Variants in OTULINL observed in about 807,000 individuals in gnomAD.
The protein encoded by OTULINL is OTU deubiquitinase with linear linkage specificity like, also known as inactive ubiquitin thioesterase OTULINL.
Under a neutral mutation model 43.9 loss-of-function variants are expected in OTULINL, and 42 were observed. The ratio of observed to expected loss-of-function variants is 0.96; its 90% CI spans 0.75 to 1.24. OTULINL has a LOEUF of 1.24. Among genes scored for constraint, OTULINL ranks in the 50% most tolerant of loss-of-function variants. OTULINL has a pLI of 0.00. For missense variants in OTULINL, 411 were observed against 426.4 expected (o/e 0.96, Z 0.32); for synonymous variants, 172 against 153.6 (o/e 1.12, Z -0.88).
Position 14,608,818 on chromosome 5 carries a change from C to G in OTULINL, c.698C>G (p.Ala233Gly). ...ATGTGCAACACCCTTTTTTCAGATG[C>G]CATTCTGGAATATAAACTTTATGAA... is the stretch of plus-strand genomic sequence containing the variant. ...GSMCNTLFSD[A>G]ILEYKLYEAL... The change falls in exon 7 of 8, where the codon GCC (alanine) becomes GGC (glycine). Residue 233 changes from alanine to glycine, a missense_variant. By Grantham distance (60) the Ala-to-Gly change is moderately conservative. Transcript: ENST00000274217. The G allele has an allele frequency of 1.9e-6, 3 of 1,612,912 alleles. No individual in the cohort carries two copies. Among genetic ancestry groups the G allele is most frequent in the Non-Finnish European group, 2.5e-6 (3 of 1,179,208 alleles).
intron 1 of OTULINL, among the ~76,000 whole-genome samples, chr5:14,598,091 A>G (rs183588304): frequency 2.0e-5 from 3 of 152,250 alleles, no homozygotes; most frequent in Admixed American, 6.5e-5. Context: ...TCTCACCTCA[A>G]ATTCCACAGG....
intron 1 of OTULINL, among the ~76,000 whole-genome samples, chr5:14,595,325 C>T (rs1759267472): frequency 6.6e-6 from 1 of 152,136 alleles, no homozygotes; most frequent in Non-Finnish European, 1.5e-5. Flanking sequence ...GACTATGCAG[C>T]TGGCCCATGA....
intron 1 of OTULINL, among the ~76,000 whole-genome samples, chr5:14,592,602 A>G (rs1759223014): frequency 6.6e-6 from 1 of 152,246 alleles, no homozygotes; most frequent in South Asian, 2.1e-4. Context: ...ACTAGCCTGC[A>G]GTGTGGACAT....
chr5:14,602,743 T>C (rs976296707), intron 5 of OTULINL, among the ~76,000 whole-genome samples: 2 of 152,158 alleles, frequency 1.3e-5, no homozygotes, highest in African/African-American at 4.8e-5. Flanking sequence ...GCCAGAGGAA[T>C]TTTAAGAGGC....
chr5:14,600,918 G>A, intron 1 of OTULINL, 47 bp from the exon 2 acceptor site: 5 of 1,352,706 alleles, frequency 3.7e-6, no homozygotes, highest in Non-Finnish European at 4.8e-6. Flanking sequence ...GCAAACTTGT[G>A]TAATTGTGAT....
rs1056769630 is a variant in OTULINL, at chr5:14,614,105, T to C, written c.*3791T>C. ...AATTCCAGAATTAGCAATAATTTTC[T>C]CTTAAATAGCAAATTTCTAAAGCTG... On this transcript the variant is annotated 3_prime_UTR_variant, in exon 8 of 8. Coordinates refer to ENST00000274217, the MANE Select transcript of OTULINL (RefSeq NM_019018.3). Among the ~76,000 whole-genome samples, 1 of 152,226 alleles carries C rather than the reference T, an allele frequency of 6.6e-6. No homozygotes were observed. The highest frequency in any genetic ancestry group is 1.5e-5 in the Non-Finnish European group (1 of 68,040).
In OTULINL at chr5:14,608,834, A is replaced by T. The variant is rs552375238; in HGVS notation, c.714A>T (p.Lys238Asn). ...TTTCAGATGCCATTCTGGAATATAAACTTTATGAAGCTTTAAAGTTCATCA... is the reference window on the plus strand; with the variant it reads ...TTTCAGATGCCATTCTGGAATATAATCTTTATGAAGCTTTAAAGTTCATCA... Reference protein sequence around the residue: ...TLFSDAILEYKLYEALKFIML... With the variant: ...TLFSDAILEYNLYEALKFIML... Residue 238 changes from lysine to asparagine, a missense_variant, in exon 7 of 8, where the codon AAA (lysine) becomes AAT (asparagine). By Grantham distance (94) the Lys-to-Asn change is moderately conservative. Coordinates refer to ENST00000274217, the MANE Select transcript of OTULINL (RefSeq NM_019018.3). 1 of 1,614,070 alleles carries T rather than the reference A, an allele frequency of 6.2e-7. No homozygotes were observed. Among genetic ancestry groups the T allele is most frequent in the Admixed American group, 1.7e-5 (1 of 60,030 alleles).
In OTULINL at chr5:14,614,746, C is replaced by T. The variant is rs923706035; in HGVS notation, c.*4432C>T. 19 of 398,468 alleles carry T rather than the reference C, an allele frequency of 4.8e-5. No homozygotes were observed. The highest frequency in any genetic ancestry group is 2.6e-4 in the Admixed American group (6 of 22,704). 24.7% of individuals were successfully genotyped at this position (398,468 alleles called of 1,614,324 possible). The stretch of plus-strand genomic sequence containing the variant: ...ATGTGGGAACAGTGTGGCCCAAGAG[C>T]CAGCATGGAGGAGGGCTGTGTGAGC... On this transcript the variant is annotated 3_prime_UTR_variant, in exon 8 of 8. Coordinates refer to ENST00000274217, the MANE Select transcript of OTULINL (RefSeq NM_019018.3).
intron 1 of OTULINL, 49 bp downstream of exon 1, chr5:14,582,007 G>A (rs1211815331): frequency 1.7e-6 from 2 of 1,194,086 alleles, no homozygotes; most frequent in Non-Finnish European, 2.1e-6. Flanking sequence ...AGCAGGGACC[G>A]TCAAGGCGGG....
In OTULINL at chr5:14,614,839, T is replaced by G. The variant is rs964355339; in HGVS notation, c.*4525T>G. 3.0e-5 allele frequency: 12 copies of G among 398,088 alleles called. No homozygotes were observed. The East Asian group carries it at 4.3e-4, about 14-fold the overall frequency. 24.7% of individuals were successfully genotyped at this position (398,088 alleles called of 1,614,324 possible). A position where few individuals can be genotyped will look rare whatever the true frequency, so the allele number is the denominator to read the frequency against. ...TCGTTCTGTTTAAAAAAATCAAATT[T>G]CTGTATGTAATTGACGTATTGGTCC... On this transcript the variant is annotated 3_prime_UTR_variant, in exon 8 of 8. Transcript: ENST00000274217.
chr5:14,607,273 T>C (rs957803882), intron 5 of OTULINL, 57 bp from the exon 6 acceptor site: 1 of 1,581,740 alleles, frequency 6.3e-7, no homozygotes, highest in African/African-American at 1.4e-5. Flanking sequence ...ATACAGCAAA[T>C]TGTGTGTAAT....
At chr5:14,594,955 A>T (rs1759261483) in intron 1 of OTULINL, among the ~76,000 whole-genome samples, 1 of 151,900 alleles carries the variant, frequency 6.6e-6, no homozygotes, top group African/African-American at 2.4e-5. Context: ...TCTCTCTTCC[A>T]TCGTCTGCTA....
intron 1 of OTULINL, among the ~76,000 whole-genome samples, chr5:14,598,694 G>A (rs1373940403): frequency 6.6e-6 from 1 of 152,118 alleles, no homozygotes; most frequent in Non-Finnish European, 1.5e-5. Context: ...CTCCAGCCTG[G>A]GCAACGGCAC....
rs1309954476 is a variant in OTULINL at position 14,614,775 on chromosome 5, C to A, written c.*4461C>A. ...CATGGAGGAGGGCTGTGTGAGCAGA[C>A]TGCTATAGAATGCTAAAGTTATAAT... On this transcript the variant is annotated 3_prime_UTR_variant, in exon 8 of 8. Transcript: ENST00000274217. 3 of 398,488 alleles carry A rather than the reference C, an allele frequency of 7.5e-6. No homozygotes were observed. The highest frequency in any genetic ancestry group is 8.8e-5 in the Admixed American group (2 of 22,710). 24.7% of individuals were successfully genotyped at this position (398,488 alleles called of 1,614,324 possible). A position where few individuals can be genotyped will look rare whatever the true frequency, so the allele number is the denominator to read the frequency against.
chr5:14,603,922 T>A (rs1391303389), intron 5 of OTULINL, among the ~76,000 whole-genome samples: 1 of 152,200 alleles, frequency 6.6e-6, no homozygotes, highest in Non-Finnish European at 1.5e-5. Context: ...GTGTTCAATT[T>A]TCTTAATATC....
chr5:14,591,177 A>G (rs977069410), intron 1 of OTULINL, among the ~76,000 whole-genome samples: 3 of 152,222 alleles, frequency 2.0e-5, no homozygotes, highest in Admixed American at 2.0e-4. Context: ...CAAATCAGTA[A>G]TGAAATCTAG....
At chr5:14,604,037 A>G (rs1759432186) in intron 5 of OTULINL, among the ~76,000 whole-genome samples, 1 of 152,210 alleles carries the variant, frequency 6.6e-6, no homozygotes, top group African/African-American at 2.4e-5. Context: ...CAAAGATATA[A>G]AAATACAACA....
intron 1 of OTULINL, among the ~76,000 whole-genome samples, chr5:14,592,818 C>T (rs1410002600): frequency 1.3e-5 from 2 of 152,164 alleles, no homozygotes; most frequent in Non-Finnish European, 2.9e-5. Context: ...CAGAGCCTTC[C>T]CTTGCTCTTC....
chr5:14,585,722 G>A (rs537721341), intron 1 of OTULINL, among the ~76,000 whole-genome samples: 9 of 152,182 alleles, frequency 5.9e-5, no homozygotes, highest in Admixed American at 1.3e-4. Context: ...ACTCTGTGAC[G>A]CTCACAACGG....
Sources: gnomAD v4.1 joint callset for allele counts (sites outside exome capture counted in the v4.1 genomes callset) on GRCh38, gnomAD v4.1.1 for gene constraint, MANE v1.5 for transcripts, NCBI Gene and HGNC (gene_info 2026-07-23, HGNC 2026-07-21) for gene names.